Variants in PUS3 observed in about 807,000 individuals in gnomAD.
PUS3 encodes pseudouridine synthase 3, also known as tRNA pseudouridine(38/39) synthase.
Under a neutral mutation model 43.3 loss-of-function variants are expected in PUS3, and 36 were observed. The ratio of observed to expected loss-of-function variants is 0.83; its 90% confidence interval spans 0.64 to 1.10. The LOEUF (loss-of-function observed/expected upper bound fraction) is 1.10. PUS3 is among the 50% of genes least tolerant of loss of function. PUS3 has a pLI of 0.00. For synonymous variants in PUS3, 183 were observed against 199.2 expected (o/e 0.92, Z 0.69); for missense variants, 544 against 589.9 (o/e 0.92, Z 0.81).
At chr11:125,901,044 G>A (rs541729600) in intron 1 of PUS3, among the ~76,000 whole-genome samples, 16 of 150,568 alleles carry the variant, frequency 1.1e-4, no homozygotes, top group Non-Finnish European at 2.1e-4. Flanking sequence ...ACAAAAACCT[G>A]CCTTTTACAT....
At chr11:125,902,226 G>A (rs575906836) in intron 1 of PUS3, among the ~76,000 whole-genome samples, 1 of 152,254 alleles carries the variant, frequency 6.6e-6, no homozygotes, top group African/African-American at 2.4e-5. Context: ...GGCCAGGGCT[G>A]CGAAGTAACC....
In PUS3 at chr11:125,894,142, A is replaced by G. The variant is rs115450206; in HGVS notation, c.1089T>C (p.Tyr363=). The G allele has an allele frequency of 1.2e-3, 1,905 of 1,614,106 alleles. 17 individuals are homozygous for G. In the African/African-American group the frequency reaches 0.023, roughly 19 times the overall value. The part of the protein sequence containing the change: ...ANHAVKTHML[Y]SMLQGLDTVP... ...CAGTGTCCAGTCCTTGTAGCATACT[A>G]TACAACATGTGAGTTTTGACAGCAT... The change falls in exon 4 of 4, where the codon TAT becomes TAC. Residue 363 remains tyrosine, a synonymous_variant. Coordinates refer to ENST00000227474, the MANE Select transcript of PUS3 (RefSeq NM_031307.4).
At chr11:125,900,017 T>C (rs1400942496) in intron 1 of PUS3, 4 of 1,614,232 alleles carry the variant, frequency 2.5e-6, no homozygotes, top group Non-Finnish European at 3.4e-6. Flanking sequence ...AGCCCGGTAT[T>C]TTGAGTACAA....
intron 1 of PUS3, chr11:125,900,442 A>G: frequency 1.6e-6 from 1 of 627,374 alleles, no homozygotes; most frequent in South Asian, 2.0e-5. Flanking sequence ...TGATACTTCC[A>G]AATTGCCACT....
At chr11:125,900,838 G>A (rs991964431) in intron 1 of PUS3, 11 of 153,168 alleles carry the variant, frequency 7.2e-5, no homozygotes, top group African/African-American at 2.4e-4. Flanking sequence ...GCGAAACCCC[G>A]TCTCTACTAA....
intron 1 of PUS3, among the ~76,000 whole-genome samples, chr11:125,901,713 C>T: frequency 6.6e-6 from 1 of 152,186 alleles, no homozygotes; most frequent in Middle Eastern, 3.2e-3. Flanking sequence ...AGGATATACT[C>T]ACCGCAAAAA....
rs1179924876 is a variant in PUS3 at position 125,895,804 on chromosome 11, A to AT, written c.379-16_379-15insA. On this transcript the variant is annotated splice_polypyrimidine_tract_variant and intron_variant, in intron 2 of 3. Transcript: ENST00000227474. ...AGTGAGATCACCTGTGGAGTTAGAC[A>AT]AAGATACTGGGTTTTAGAGACACAA... 6.3e-7 allele frequency: 1 copy of AT among 1,586,632 alleles called. No individual in the cohort carries two copies. The highest frequency in any genetic ancestry group is 1.2e-5 in the South Asian group (1 of 86,148).
At chr11:125,897,400 AC>A (rs1329198447) in intron 1 of PUS3, among the ~76,000 whole-genome samples, 2 of 152,084 alleles carry the variant, frequency 1.3e-5, no homozygotes, top group East Asian at 3.9e-4. Context: ...AAAAGGAAAA[AC>A]TTCTGCCAGC....
At chr11:125,902,736 T>C (rs1944813590) in intron 1 of PUS3, among the ~76,000 whole-genome samples, 1 of 152,126 alleles carries the variant, frequency 6.6e-6, no homozygotes, top group Non-Finnish European at 1.5e-5. Context: ...ACACGCACTA[T>C]GATCACTAGA....
In PUS3 at chr11:125,903,168, A is replaced by G; in HGVS notation, c.-47+2T>C. 3.0e-6 allele frequency: 3 copies of G among 985,352 alleles called. No individual in the cohort carries two copies. Among genetic ancestry groups the G allele is most frequent in the Non-Finnish European group, 3.6e-6 (3 of 829,866 alleles). 61.0% of individuals were successfully genotyped at this position (985,352 alleles called of 1,614,324 possible). A position where few individuals can be genotyped will look rare whatever the true frequency, so the allele number is the denominator to read the frequency against. ...AACCCACTCCAAAAATCCCACACTT[A>G]CTTTCCGGCAGCCGGCCGCGCCGCG... On this transcript the variant is annotated splice_donor_variant, in intron 1 of 3. Transcript: ENST00000227474. LOFTEE classifies it low-confidence loss of function (5UTR_SPLICE).
chr11:125,895,211 A>AT lies in PUS3; in HGVS notation c.944+12dup, dbSNP rs1388172937. 6.5e-7 allele frequency: 1 copy of AT among 1,541,124 alleles called. No individual in the cohort carries two copies. Among genetic ancestry groups the AT allele is most frequent in the Admixed American group, 2.1e-5 (1 of 46,926 alleles). The stretch of plus-strand genomic sequence containing the variant: ...TACAGGCATGTGCCATTTATTTTTT[A>AT]TTTTTAACTCACCTATATTGAGGCT... On this transcript the variant is annotated intron_variant, in intron 3 of 3. Transcript: ENST00000227474.
intron 1 of PUS3, among the ~76,000 whole-genome samples, chr11:125,902,835 TCTA>T (rs1944815616): frequency 1.3e-5 from 2 of 151,650 alleles, no homozygotes; most frequent in Non-Finnish European, 2.9e-5. Flanking sequence ...GTTCTCAACT[TCTA>T]CTGTTTTATG....
intron 1 of PUS3, among the ~76,000 whole-genome samples, chr11:125,901,025 AAAGAAG>A (rs981450004): frequency 6.7e-6 from 1 of 150,024 alleles, no homozygotes; most frequent in East Asian, 2.0e-4. Context: ...AAAAAAAAAA[AAAGAAG>A]GAACAAAAAC....
intron 3 of PUS3, among the ~76,000 whole-genome samples, chr11:125,894,988 T>A (rs1484706460): frequency 6.6e-6 from 1 of 152,022 alleles, no homozygotes; most frequent in Non-Finnish European, 1.5e-5. Flanking sequence ...TAAAGCTTCA[T>A]GAAGGCAGAA....
chr11:125,898,445 C>T (rs1401790560), intron 1 of PUS3, among the ~76,000 whole-genome samples: 3 of 152,224 alleles, frequency 2.0e-5, no homozygotes, highest in African/African-American at 7.2e-5. Flanking sequence ...GAGGCCGAGG[C>T]GGGTGGGTTG....
In PUS3 at chr11:125,895,922, A is replaced by G; in HGVS notation, c.363T>C (p.Val121=). Residue 121 remains valine, a synonymous_variant, in exon 2 of 4, where the codon GTT becomes GTC. Transcript: ENST00000227474. The stretch of plus-strand genomic sequence containing the variant: ...TGGCCCTTACCTGTCCAAAGGCACT[A>G]ACTCCTTTATCTGTTCTCCCACATC... ...YHRCGRTDKG[V]SAFGQVISLD... is the part of the protein sequence containing the mutation. 1 of 1,613,146 alleles carries G rather than the reference A, an allele frequency of 6.2e-7. No individual in the cohort carries two copies. The highest frequency in any genetic ancestry group is 8.5e-7 in the Non-Finnish European group (1 of 1,179,990).
At chr11:125,899,225 T>G in intron 1 of PUS3, 1 of 697,636 alleles carries the variant, frequency 1.4e-6, no homozygotes, top group South Asian at 1.8e-5. Flanking sequence ...TGTATTGAAT[T>G]TATGATGGCC....
chr11:125,894,252 A>G lies in PUS3; in HGVS notation c.979T>C (p.Cys327Arg). 1 of 1,612,380 alleles carries G rather than the reference A, an allele frequency of 6.2e-7. No homozygotes were observed. Among genetic ancestry groups the G allele is most frequent in the South Asian group, 1.1e-5 (1 of 91,026 alleles). The stretch of plus-strand genomic sequence containing the variant: ...ATCCACTTGACATTTTCAAACTTAC[A>G]GTCATATAAGACTAGAGGAAATTCT... ...AVEFPLVLYD[C>R]KFENVKWIYD... Residue 327 changes from cysteine (C) to arginine (R), a missense_variant, in exon 4 of 4, where the codon TGT (cysteine) becomes CGT (arginine). Physicochemically the swap from Cys to Arg is radical, Grantham distance 180. Transcript: ENST00000227474.
chr11:125,899,844 A>T lies in PUS3; in HGVS notation c.-47+3326T>A, dbSNP rs747723105. 4 of 1,614,192 alleles carry T rather than the reference A, an allele frequency of 2.5e-6. No individual in the cohort carries two copies. In the East Asian group the frequency reaches 8.9e-5, roughly 36 times the overall value. ...TCACAAAAATTTAACCTACCACATG[A>T]ATACCAAGGAATTTCTCAAGATCAG... On this transcript the variant is annotated intron_variant, in intron 1 of 3. Transcript: ENST00000227474.
Sources: gnomAD v4.1 joint callset for allele counts (sites outside exome capture counted in the v4.1 genomes callset) on GRCh38, gnomAD v4.1.1 for gene constraint, MANE v1.5 for transcripts, NCBI Gene and HGNC (gene_info 2026-07-23, HGNC 2026-07-21) for gene names.